The following FMN2 variants were observed in gnomAD, a reference collection of about 807,000 sequenced individuals.
FMN2 encodes formin 2.
A neutral mutation model predicts 142.3 loss-of-function variants in FMN2; 51 were observed. The observed-to-expected ratio is 0.36, with a 90% CI of 0.29 to 0.45. FMN2 has a LOEUF of 0.45. Ranked by LOEUF, FMN2 falls within the 20% of genes least tolerant of loss-of-function variation. The pLI, the probability that FMN2 is intolerant of heterozygous loss-of-function variation, is 1.00. For missense variants in FMN2, 1,936 were observed against 2,122.8 expected (o/e 0.91, Z 1.73); for synonymous variants, 882 against 869.8 (o/e 1.01, Z -0.25).
chr1:240,274,235 A>G (rs79826388), intron 7 of FMN2, among the ~76,000 whole-genome samples: 95 of 152,044 alleles, frequency 6.2e-4, no homozygotes, highest in African/African-American at 1.1e-3. Context: ...AAAAAAAAAA[A>G]AGAGAGAGTG....
intron 6 of FMN2, among the ~76,000 whole-genome samples, chr1:240,247,474 C>T (rs552588661): frequency 6.6e-6 from 1 of 150,836 alleles, no homozygotes; most frequent in South Asian, 2.1e-4. Context: ...TGCACTCCAG[C>T]CTGGGCAACA....
At chr1:240,253,941 G>T (rs898093517) in intron 6 of FMN2, among the ~76,000 whole-genome samples, 3 of 152,164 alleles carry the variant, frequency 2.0e-5, no homozygotes, top group African/African-American at 7.2e-5. Context: ...TTTTGCTGGT[G>T]ATGAGGATGC....
At chr1:240,298,792 T>C (rs1670083728) in intron 8 of FMN2, among the ~76,000 whole-genome samples, 1 of 152,150 alleles carries the variant, frequency 6.6e-6, no homozygotes, top group African/African-American at 2.4e-5. Context: ...TGGTCCCTGG[T>C]GCCAAAAAGG....
chr1:240,367,837 T>G (rs1313955948), intron 14 of FMN2, among the ~76,000 whole-genome samples: 2 of 152,030 alleles, frequency 1.3e-5, no homozygotes, highest in African/African-American at 4.8e-5. Context: ...GTCCTTTATT[T>G]TCCCAAGAAA....
chr1:240,323,858 C>T (rs1332961945), intron 8 of FMN2, among the ~76,000 whole-genome samples: 1 of 152,158 alleles, frequency 6.6e-6, no homozygotes, highest in Non-Finnish European at 1.5e-5. Flanking sequence ...CTGAAGCTTC[C>T]TCCTCAGGGT....
intron 8 of FMN2, among the ~76,000 whole-genome samples, chr1:240,300,437 G>C (rs933967659): frequency 4.6e-5 from 7 of 152,066 alleles, no homozygotes; most frequent in Admixed American, 4.6e-4. Flanking sequence ...CATCTGATTT[G>C]TATTTACCAT....
chr1:240,304,978 G>A (rs1322020682), intron 8 of FMN2, among the ~76,000 whole-genome samples: 1 of 152,190 alleles, frequency 6.6e-6, no homozygotes, highest in Non-Finnish European at 1.5e-5. Context: ...TAGTACAATT[G>A]TCTAGATGGG....
intron 8 of FMN2, among the ~76,000 whole-genome samples, chr1:240,315,423 A>C (rs1487278961): frequency 6.6e-6 from 1 of 152,194 alleles, no homozygotes; most frequent in East Asian, 1.9e-4. Flanking sequence ...CTGGGCAATA[A>C]ATTTATTAAA....
intron 8 of FMN2, among the ~76,000 whole-genome samples, chr1:240,319,934 G>A (rs1014940438): frequency 7.2e-5 from 11 of 152,092 alleles, no homozygotes; most frequent in African/African-American, 2.7e-4. Flanking sequence ...TTTTTCCCCA[G>A]GAGTTGAAAT....
At chr1:240,427,442 T>C (rs545555686) in intron 15 of FMN2, among the ~76,000 whole-genome samples, 6 of 152,224 alleles carry the variant, frequency 3.9e-5, no homozygotes, top group Admixed American at 3.9e-4. Context: ...CCTGACCTTG[T>C]GATCTGCCCG....
intron 8 of FMN2, among the ~76,000 whole-genome samples, chr1:240,304,844 GA>G (rs143232557): frequency 9.8e-4 from 149 of 152,340 alleles, no homozygotes; most frequent in African/African-American, 3.3e-3. Flanking sequence ...GGGAGTGGGG[GA>G]TAGGTAGCTG....
At chr1:240,444,567 A>G (rs1318062933) in intron 16 of FMN2, among the ~76,000 whole-genome samples, 1 of 152,240 alleles carries the variant, frequency 6.6e-6, no homozygotes, top group Non-Finnish European at 1.5e-5. Context: ...TGAGACAGGT[A>G]GTCTTTGATG....
chr1:240,373,174 A>G (rs950930165), intron 14 of FMN2, among the ~76,000 whole-genome samples: 2 of 152,202 alleles, frequency 1.3e-5, no homozygotes, highest in Non-Finnish European at 2.9e-5. Flanking sequence ...ACAGAGCAAG[A>G]GTCCATCTCA....
chr1:240,354,050 G>T lies in FMN2; in HGVS notation c.4766-1766G>T, dbSNP rs553870071. 3.9e-5 allele frequency among the ~76,000 whole-genome samples: 6 copies of T among 152,282 alleles called. No homozygotes were observed. The East Asian group carries it at 1.2e-3, about 29-fold the overall frequency. On this transcript the variant is annotated intron_variant, in intron 13 of 17. Coordinates refer to ENST00000319653, the MANE Select transcript of FMN2 (RefSeq NM_020066.5). ...ATTGTAGCGAGTGCTACAAATCATG[G>T]TGTAGGCTTTGCAATTCTTCCTGTA...
At chr1:240,334,407 A>G (rs1472383442) in intron 13 of FMN2, among the ~76,000 whole-genome samples, 178 bp downstream of exon 13, 1 of 152,200 alleles carries the variant, frequency 6.6e-6, no homozygotes, top group Non-Finnish European at 1.5e-5. Context: ...TTAAAAAGTT[A>G]TGTGTATCAA....
intron 15 of FMN2, among the ~76,000 whole-genome samples, chr1:240,421,117 T>C (rs1277893994): frequency 6.6e-6 from 1 of 152,136 alleles, no homozygotes; most frequent in East Asian, 1.9e-4. Flanking sequence ...CTTGTATCAG[T>C]ATTCTTGCAG....
chr1:240,375,904 T>C (rs541387120), intron 14 of FMN2, among the ~76,000 whole-genome samples: 66 of 152,346 alleles, frequency 4.3e-4, no homozygotes, highest in African/African-American at 1.6e-3. Flanking sequence ...TTTGATTGTC[T>C]ATTTTTTCTT....
intron 8 of FMN2, among the ~76,000 whole-genome samples, chr1:240,304,927 T>G (rs1225622358): frequency 2.0e-5 from 3 of 152,192 alleles, no homozygotes; most frequent in Non-Finnish European, 4.4e-5. Context: ...TTGGAAGTTG[T>G]AAGACCAACA....
chr1:240,398,828 T>G (rs1572267112), intron 15 of FMN2, among the ~76,000 whole-genome samples: 1 of 152,198 alleles, frequency 6.6e-6, no homozygotes, highest in Non-Finnish European at 1.5e-5. Context: ...CTCTGGCAGA[T>G]GCTTAGTCCC....
Sources: allele counts gnomAD v4.1 joint callset (sites outside exome capture counted in the v4.1 genomes callset), GRCh38; gene constraint gnomAD v4.1.1; transcripts MANE v1.5; gene names NCBI Gene and HGNC (gene_info 2026-07-23, HGNC 2026-07-21).